Variants in TRIOBP observed in about 807,000 individuals in gnomAD.
The protein encoded by TRIOBP is TRIO and F-actin binding protein.
Under a neutral mutation model 238.8 loss-of-function variants are expected in TRIOBP, and 169 were observed. The observed-to-expected ratio is 0.71, with a 90% CI of 0.62 to 0.80. The LOEUF is 0.80. Among genes scored for constraint, TRIOBP ranks in the 30% least tolerant of loss-of-function variants. The pLI is 0.00. For synonymous variants in TRIOBP, 1,150 were observed against 1,274.4 expected (o/e 0.90, Z 2.08); for missense variants, 2,838 against 3,122.6 (o/e 0.91, Z 2.17).
At chr22:37,732,857 T>G (rs909174946) in intron 7 of TRIOBP, among the ~76,000 whole-genome samples, 1 of 152,266 alleles carries the variant, frequency 6.6e-6, no homozygotes, top group African/African-American at 2.4e-5. Context: ...TGCTTTGTCA[T>G]AATGATTATG....
intron 21 of TRIOBP, among the ~76,000 whole-genome samples, chr22:37,770,463 A>AT (rs1926719747): frequency 6.7e-6 from 1 of 148,710 alleles, no homozygotes; most frequent in Admixed American, 6.7e-5. Flanking sequence ...AAAAAAAAAA[A>AT]TATTAAAAAA....
chr22:37,767,304 C>CAA (rs10666177), intron 18 of TRIOBP, among the ~76,000 whole-genome samples: 75,785 of 140,438 alleles, frequency 0.54, 22,760 homozygotes, highest in East Asian at 0.68. Flanking sequence ...GACTCTGTCT[C>CAA]AAAAAAAAAA....
chr22:37,711,997 A>G (rs1923273651), intron 4 of TRIOBP, among the ~76,000 whole-genome samples: 2 of 152,074 alleles, frequency 1.3e-5, no homozygotes, highest in Admixed American at 6.6e-5. Context: ...CATCCTCGTT[A>G]GCCAAGCATG....
chr22:37,704,237 G>T (rs760498725), intron 3 of TRIOBP, among the ~76,000 whole-genome samples: 15 of 152,252 alleles, frequency 9.9e-5, no homozygotes, highest in Non-Finnish European at 1.5e-4. Flanking sequence ...TAAAAAATTA[G>T]CTGGGCGTAG....
intron 10 of TRIOBP, among the ~76,000 whole-genome samples, chr22:37,739,275 C>G (rs933935349): frequency 3.9e-5 from 6 of 152,170 alleles, no homozygotes; most frequent in African/African-American, 1.4e-4. Context: ...TCTCGTCACC[C>G]TCAGCCTCCA....
intron 12 of TRIOBP, among the ~76,000 whole-genome samples, 170 bp from the exon 13 acceptor site, chr22:37,754,707 A>G (rs1925817234): frequency 6.6e-6 from 1 of 152,180 alleles, no homozygotes; most frequent in African/African-American, 2.4e-5. Context: ...AAACCAATCC[A>G]TTTCACAGAT....
intron 11 of TRIOBP, among the ~76,000 whole-genome samples, chr22:37,744,331 A>G (rs1379322434): frequency 6.6e-6 from 1 of 151,884 alleles, no homozygotes; most frequent in Non-Finnish European, 1.5e-5. Flanking sequence ...GCATCTCTTT[A>G]TTTACTTATT....
chr22:37,724,519 C>T lies in TRIOBP; in HGVS notation c.1963C>T (p.Arg655Trp), dbSNP rs753112850. The part of the protein sequence containing the change: ...QDSPRTSCAR[R>W]DDPRASSPNR... ...CAGCCCCAGAACATCCTGTGCCCGA[C>T]GGGACGATCCCAGAGCCTCCTCTCC... Residue 655 changes from arginine to tryptophan, a missense_variant, in exon 7 of 24, where the codon CGG becomes TGG. By Grantham distance (101) the Arg-to-Trp change is moderately radical. Around this residue, in one of 5 missense-constraint regions of TRIOBP, gnomAD observed 167 missense variants for 200.2 expected, o/e 0.83. Transcript: ENST00000644935. The T allele has an allele frequency of 1.9e-5, 30 of 1,601,044 alleles. No homozygotes were observed. The East Asian group carries it at 2.9e-4, about 16-fold the overall frequency.
At position 37,769,267 on chromosome 22, in the gene TRIOBP, G is replaced by A. The variant is rs375013523; in HGVS notation, c.6741G>A (p.Leu2247=). 2.8e-4 allele frequency: 452 copies of A among 1,610,322 alleles called. 2 individuals carry two copies. The African/African-American group carries it at 4.8e-3, about 17-fold the overall frequency. ...GQELLRHNQE[L]HGRLSEEIDQ... is the part of the protein sequence containing the mutation. ...GACCACCGTGCCTCTCCCAGGAGCTGCATGGCCGCCTGTCAGAGGAGATAG... is the reference window on the plus strand; with the variant it reads ...GACCACCGTGCCTCTCCCAGGAGCTACATGGCCGCCTGTCAGAGGAGATAG... The change falls in exon 21 of 24, where the codon CTG becomes CTA. Residue 2247 remains leucine, a synonymous_variant. Transcript: ENST00000644935.
intron 15 of TRIOBP, among the ~76,000 whole-genome samples, chr22:37,757,001 C>G (rs1925959511): frequency 6.6e-6 from 1 of 152,208 alleles, no homozygotes; most frequent in Admixed American, 6.5e-5. Flanking sequence ...TTCGCCCACC[C>G]TGTCCTCACA....
chr22:37,768,444 GT>G (rs1926606894), intron 19 of TRIOBP, among the ~76,000 whole-genome samples: 4 of 152,326 alleles, frequency 2.6e-5, no homozygotes, highest in African/African-American at 7.2e-5. Context: ...CTGGGCTGCA[GT>G]GTCACTGTTG....
At chr22:37,742,824 G>A (rs1266118457) in intron 11 of TRIOBP, among the ~76,000 whole-genome samples, 1 of 152,198 alleles carries the variant, frequency 6.6e-6, no homozygotes, top group Non-Finnish European at 1.5e-5. Context: ...GCCCAGCTCT[G>A]TGTTCACTGC....
chr22:37,754,917 G>A lies in TRIOBP; in HGVS notation c.5420G>A (p.Trp1807Ter), dbSNP rs1925833649. Residue 1807 changes from tryptophan to a stop codon, truncating the protein, a stop_gained, in exon 13 of 24, where the codon TGG becomes TAG. Transcript: ENST00000644935. LOFTEE classifies it high-confidence loss of function. ...PSLTTTSTSQ[W>*]KKHWFVLTDS... ...CTCACCACCACCTCTACTTCGCAGT[G>A]GAAGAAACATTGGTTTGTGCTGACA... is the stretch of plus-strand genomic sequence containing the variant. 1.2e-6 allele frequency: 2 copies of A among 1,614,124 alleles called. No homozygotes were observed. Among genetic ancestry groups the A allele is most frequent in the Non-Finnish European group, 1.7e-6 (2 of 1,180,028 alleles).
chr22:37,744,829 T>C (rs1925136660), intron 11 of TRIOBP, among the ~76,000 whole-genome samples: 1 of 152,158 alleles, frequency 6.6e-6, no homozygotes, highest in African/African-American at 2.4e-5. Context: ...TGGGCCTCCA[T>C]TTCTTTATCT....
At chr22:37,746,517 C>T (rs1925280457) in intron 11 of TRIOBP, 1 of 1,117,254 alleles carries the variant, frequency 9.0e-7, no homozygotes, top group Non-Finnish European at 1.1e-6. Flanking sequence ...GCCCCCTCCT[C>T]ATTTCCCGAA....
intron 18 of TRIOBP, among the ~76,000 whole-genome samples, chr22:37,766,794 C>G (rs1310921650): frequency 6.6e-6 from 1 of 151,662 alleles, no homozygotes; most frequent in Non-Finnish European, 1.5e-5. Flanking sequence ...AACCCCATCT[C>G]TACTAAAAAT....
chr22:37,755,320 C>A, intron 14 of TRIOBP, 130 bp downstream of exon 14: 1 of 1,050,464 alleles, frequency 9.5e-7, no homozygotes. Context: ...GAGGCCCTAT[C>A]TTCAGAGCCA....
intron 16 of TRIOBP, 91 bp from the exon 17 acceptor site, chr22:37,759,063 G>A (rs1047581726): frequency 2.4e-5 from 25 of 1,058,166 alleles, no homozygotes; most frequent in Middle Eastern, 2.9e-4. Context: ...GCTTGTATCC[G>A]TGTGGAGCTG....
chr22:37,772,463 G>A lies in TRIOBP; in HGVS notation c.6937-138G>A, dbSNP rs1431049293. 6.7e-6 allele frequency: 8 copies of A among 1,191,700 alleles called. No homozygotes were observed. The East Asian group carries it at 1.5e-4, about 22-fold the overall frequency. The allele number at this position is 1,191,700 out of a possible 1,614,324, so 73.8% of individuals were successfully genotyped here. On this transcript the variant is annotated intron_variant, in intron 22 of 23. Transcript: ENST00000644935. ...TGGGAGGGGTAAGCCCAGAACCCAC[G>A]GCCATCTTGGGGAGCCACCTGGAGG... is the stretch of plus-strand genomic sequence containing the variant.
Sources: gnomAD v4.1 joint callset for allele counts (sites outside exome capture counted in the v4.1 genomes callset) on GRCh38, gnomAD v4.1.1 for gene constraint, gnomAD v4.1.1 regional missense constraint, MANE v1.5 for transcripts, NCBI Gene and HGNC (gene_info 2026-07-23, HGNC 2026-07-21) for gene names.